The following GALNTL6 variants were observed in gnomAD, a reference collection of about 807,000 sequenced individuals.
The protein encoded by GALNTL6 is polypeptide N-acetylgalactosaminyltransferase like 6, also known as polypeptide N-acetylgalactosaminyltransferase-like 6.
In GALNTL6, 46 loss-of-function variants were observed where a neutral mutation model predicts 73.7. The observed-to-expected ratio is 0.62, with a 90% CI of 0.49 to 0.80. GALNTL6 has a LOEUF of 0.80. Ranked by LOEUF, GALNTL6 falls within the 30% of genes least tolerant of loss-of-function variation. The probability of loss-of-function intolerance (pLI) is 0.00; values close to 1 mark genes in which losing one functional copy is unlikely to be tolerated. For synonymous variants in GALNTL6, 259 were observed against 263.7 expected (o/e 0.98, Z 0.17); for missense variants, 604 against 755.0 (o/e 0.80, Z 2.34).
intron 10 of GALNTL6, among the ~76,000 whole-genome samples, chr4:172,963,134 A>G (rs1750161739): frequency 6.6e-6 from 1 of 152,038 alleles, no homozygotes; most frequent in African/African-American, 2.4e-5. Context: ...TGTCCTCGTC[A>G]CCAGTCTTCA....
At chr4:172,960,167 C>G (rs1212219278) in intron 10 of GALNTL6, among the ~76,000 whole-genome samples, 2 of 152,198 alleles carry the variant, frequency 1.3e-5, no homozygotes, top group African/African-American at 4.8e-5. Context: ...TAAAGCGTCT[C>G]AGGGTTGCTG....
intron 2 of GALNTL6, among the ~76,000 whole-genome samples, chr4:171,901,738 T>C (rs1038747958): frequency 6.6e-6 from 1 of 152,156 alleles, no homozygotes; most frequent in Non-Finnish European, 1.5e-5. Flanking sequence ...TTTTTAAAAG[T>C]GTTTAGGAAG....
chr4:172,279,948 A>G (rs1447592169), intron 3 of GALNTL6, among the ~76,000 whole-genome samples: 1 of 152,212 alleles, frequency 6.6e-6, no homozygotes, highest in East Asian at 1.9e-4. Flanking sequence ...TAATTTGAGT[A>G]TATTTTGCTA....
At chr4:172,688,441 T>A (rs1733061283) in intron 5 of GALNTL6, among the ~76,000 whole-genome samples, 2 of 152,202 alleles carry the variant, frequency 1.3e-5, no homozygotes, top group Non-Finnish European at 2.9e-5. Context: ...CAGGTTTTCT[T>A]CTTGAGAAGA....
intron 5 of GALNTL6, among the ~76,000 whole-genome samples, chr4:172,543,772 T>TA (rs1735658544): frequency 6.6e-6 from 1 of 152,168 alleles, no homozygotes; most frequent in Non-Finnish European, 1.5e-5. Flanking sequence ...ATGCAGAAAT[T>TA]ATATAGGAGT....
chr4:172,820,592 C>G (rs186365728), intron 7 of GALNTL6, among the ~76,000 whole-genome samples: 85 of 152,130 alleles, frequency 5.6e-4, no homozygotes, highest in Non-Finnish European at 1.1e-3. Flanking sequence ...ACTTTCACCT[C>G]TAAGTTTAAT....
At chr4:171,941,708 T>G (rs1738549481) in intron 2 of GALNTL6, among the ~76,000 whole-genome samples, 1 of 152,014 alleles carries the variant, frequency 6.6e-6, no homozygotes, top group East Asian at 1.9e-4. Flanking sequence ...TCTACCTACT[T>G]TTATGGTTCT....
intron 5 of GALNTL6, among the ~76,000 whole-genome samples, chr4:172,685,204 A>G (rs1194419525): frequency 2.0e-5 from 3 of 152,182 alleles, no homozygotes; most frequent in Non-Finnish European, 4.4e-5. Context: ...TCATGTATGT[A>G]TATTCTTATT....
At chr4:172,582,294 C>T (rs1009655980) in intron 5 of GALNTL6, among the ~76,000 whole-genome samples, 1 of 152,146 alleles carries the variant, frequency 6.6e-6, no homozygotes, top group Admixed American at 6.5e-5. Context: ...TGGCCTTGGG[C>T]AGGTTATTTA....
intron 2 of GALNTL6, among the ~76,000 whole-genome samples, chr4:171,849,095 A>G (rs1735452126): frequency 6.6e-6 from 1 of 152,192 alleles, no homozygotes; most frequent in African/African-American, 2.4e-5. Context: ...CAAGAGACCC[A>G]GCTTGGGGCC....
chr4:172,575,167 T>C (rs1411335957), intron 5 of GALNTL6, among the ~76,000 whole-genome samples: 1 of 152,224 alleles, frequency 6.6e-6, no homozygotes, highest in East Asian at 1.9e-4. Context: ...TTACATGCAT[T>C]GTGTATACAA....
intron 5 of GALNTL6, among the ~76,000 whole-genome samples, chr4:172,633,990 C>A (rs973339621): frequency 1.3e-4 from 20 of 152,124 alleles, no homozygotes; most frequent in Admixed American, 9.8e-4. Flanking sequence ...GTCAATTAAA[C>A]CTCTTTCCTT....
intron 2 of GALNTL6, among the ~76,000 whole-genome samples, chr4:171,952,521 G>A (rs979733994): frequency 2.6e-5 from 4 of 151,880 alleles, no homozygotes; most frequent in Admixed American, 1.3e-4. Context: ...AAATTTCAAT[G>A]ACTTATTATC....
chr4:171,882,465 G>C (rs1468290685), intron 2 of GALNTL6, among the ~76,000 whole-genome samples: 1 of 152,188 alleles, frequency 6.6e-6, no homozygotes, highest in African/African-American at 2.4e-5. Flanking sequence ...CCCATGATAG[G>C]CAGTCTGCAA....
intron 3 of GALNTL6, among the ~76,000 whole-genome samples, chr4:172,271,057 T>C (rs558942506): frequency 1.4e-4 from 22 of 152,258 alleles, no homozygotes; most frequent in Non-Finnish European, 2.9e-4. Flanking sequence ...TTCTCATGTT[T>C]CAGGGAAGAT....
intron 2 of GALNTL6, among the ~76,000 whole-genome samples, chr4:171,954,715 C>T (rs951291035): frequency 1.3e-5 from 2 of 152,100 alleles, no homozygotes; most frequent in African/African-American, 2.4e-5. Flanking sequence ...AATCTCTTGT[C>T]GAATTGTAAT....
intron 2 of GALNTL6, among the ~76,000 whole-genome samples, chr4:172,042,864 T>TAAAAAAAAAAAAAAAA (rs397996272): frequency 6.8e-5 from 3 of 44,400 alleles, no homozygotes; most frequent in African/African-American, 1.7e-4. Context: ...TCTTTAACAG[T>TAAAAAAAAAAAAAAAA]AAAAAAAAAA....
intron 2 of GALNTL6, among the ~76,000 whole-genome samples, chr4:172,057,071 C>T (rs1288505216): frequency 6.6e-6 from 1 of 152,078 alleles, no homozygotes; most frequent in Non-Finnish European, 1.5e-5. Context: ...TGCAAGAACG[C>T]ATAAACTTTT....
chr4:172,481,716 C>A (rs1195242093), intron 5 of GALNTL6, among the ~76,000 whole-genome samples: 1 of 152,104 alleles, frequency 6.6e-6, no homozygotes, highest in Admixed American at 6.5e-5. Context: ...TTGGTGCATC[C>A]ACGAACCCTG....
Sources: gnomAD v4.1 joint callset for allele counts (sites outside exome capture counted in the v4.1 genomes callset) on GRCh38, gnomAD v4.1.1 for gene constraint, MANE v1.5 for transcripts, NCBI Gene and HGNC (gene_info 2026-07-23, HGNC 2026-07-21) for gene names.